Variants in DIAPH2 observed in about 807,000 individuals in gnomAD.
The protein encoded by DIAPH2 is diaphanous related formin 2.
In DIAPH2, 35 loss-of-function variants were observed where a neutral mutation model predicts 92.7. That is an observed-to-expected ratio of 0.38 (90% confidence interval 0.29 to 0.50). The LOEUF (loss-of-function observed/expected upper bound fraction) is 0.50. Ranked by LOEUF, DIAPH2 falls within the 20% of genes least tolerant of loss-of-function variation. The probability of loss-of-function intolerance (pLI) is 0.94; values close to 1 mark genes in which losing one functional copy is unlikely to be tolerated. For synonymous variants in DIAPH2, 301 were observed against 280.4 expected, an observed-to-expected ratio of 1.07 and a Z score of -0.73; for missense variants, 701 against 819.5, an observed-to-expected ratio of 0.86 and a Z score of 1.77.
Position 97,464,748 on chromosome X carries a change from A to G in DIAPH2, c.3241+35003A>G, listed in dbSNP as rs754382750. 2.5e-4 allele frequency among the ~76,000 whole-genome samples: 28 copies of G among 112,152 alleles called. No individual in the cohort carries two copies. In the East Asian group the frequency reaches 3.9e-3, roughly 16 times the overall value. ...TAGACTGATGTTTGCTACACCCATA[A>G]TCCTAGCACTCTAACACAATTTTAA... On this transcript the variant is annotated intron_variant, in intron 26 of 26. Coordinates refer to ENST00000324765, the MANE Select transcript of DIAPH2 (RefSeq NM_006729.5).
intron 4 of DIAPH2, among the ~76,000 whole-genome samples, chrX:96,759,974 T>G (rs2064257801): frequency 8.9e-6 from 1 of 111,775 alleles, no homozygotes; most frequent in African/African-American, 3.2e-5. Flanking sequence ...ATTCAAAAGA[T>G]GGAAATTCAA....
chrX:97,216,771 G>A (rs1332344231), intron 22 of DIAPH2, among the ~76,000 whole-genome samples: 1 of 111,865 alleles, frequency 8.9e-6, no homozygotes, highest in Non-Finnish European at 1.9e-5. Context: ...CCCTTCATTG[G>A]CAATACTCCT....
intron 4 of DIAPH2, among the ~76,000 whole-genome samples, chrX:96,854,703 A>G (rs1345424863): frequency 1.0e-5 from 1 of 98,641 alleles, no homozygotes; most frequent in Admixed American, 1.2e-4. Flanking sequence ...TACAGTGTGG[A>G]TACACTGGAC....
intron 4 of DIAPH2, among the ~76,000 whole-genome samples, chrX:96,877,150 T>C (rs1165334532): frequency 1.8e-5 from 2 of 111,061 alleles, no homozygotes; most frequent in Non-Finnish European, 3.8e-5. Context: ...TTCACTTGGA[T>C]AGGGCACTTA....
chrX:97,099,885 T>C (rs2066895031), intron 20 of DIAPH2, 90 bp downstream of exon 20: 5 of 410,350 alleles, frequency 1.2e-5, no homozygotes, highest in Non-Finnish European at 2.0e-5. Flanking sequence ...AGTTGTCAAT[T>C]ATTTTTTCAT....
chrX:97,257,979 A>G (rs1216669802), intron 23 of DIAPH2, among the ~76,000 whole-genome samples: 2 of 102,615 alleles, frequency 1.9e-5, no homozygotes, highest in Non-Finnish European at 4.1e-5. Context: ...AAAAAAAAAA[A>G]AGGCCTCTTT....
intron 1 of DIAPH2, among the ~76,000 whole-genome samples, chrX:96,688,539 A>C (rs2063783267): frequency 9.0e-6 from 1 of 110,997 alleles, no homozygotes; most frequent in African/African-American, 3.3e-5. Flanking sequence ...GTTTCACCAT[A>C]TTGGCCAGGC....
intron 17 of DIAPH2, among the ~76,000 whole-genome samples, chrX:96,997,609 A>G (rs1206709355): frequency 9.0e-6 from 1 of 111,502 alleles, no homozygotes; most frequent in Non-Finnish European, 1.9e-5. Flanking sequence ...GTTACTAATG[A>G]TTATAGATAT....
intron 24 of DIAPH2, among the ~76,000 whole-genome samples, chrX:97,368,059 C>G (rs1242124956): frequency 2.7e-5 from 3 of 112,541 alleles, no homozygotes; most frequent in East Asian, 2.8e-4. Flanking sequence ...CAAGTTTTGC[C>G]TAACCCTTCA....
chrX:96,982,368 C>T (rs1051928119), intron 17 of DIAPH2, among the ~76,000 whole-genome samples: 1 of 112,056 alleles, frequency 8.9e-6, no homozygotes, highest in Non-Finnish European at 1.9e-5. Flanking sequence ...ATAGTTCCTC[C>T]GTTAGAATGG....
At chrX:97,519,860 G>A (rs923785441) in intron 26 of DIAPH2, among the ~76,000 whole-genome samples, 28 of 110,827 alleles carry the variant, frequency 2.5e-4, no homozygotes, top group Non-Finnish European at 2.5e-4. Context: ...CGAGTAGCTG[G>A]CATTACAGGC....
intron 20 of DIAPH2, among the ~76,000 whole-genome samples, chrX:97,107,149 C>A (rs2066947418): frequency 9.0e-6 from 1 of 111,447 alleles, no homozygotes; most frequent in South Asian, 3.8e-4. Context: ...TATTCTCTAC[C>A]AGTACATCAT....
chrX:97,454,748 G>A (rs1401821127), intron 26 of DIAPH2, among the ~76,000 whole-genome samples: 2 of 110,121 alleles, frequency 1.8e-5, no homozygotes, highest in Non-Finnish European at 3.8e-5. Flanking sequence ...CCAGGTACTC[G>A]GGAGGCTGAG....
At chrX:97,264,437 A>T (rs899178144) in intron 23 of DIAPH2, among the ~76,000 whole-genome samples, 7 of 109,477 alleles carry the variant, frequency 6.4e-5, no homozygotes, top group Admixed American at 4.9e-4. Flanking sequence ...ACACACAGAC[A>T]CACACACACA....
intron 26 of DIAPH2, among the ~76,000 whole-genome samples, chrX:97,503,866 G>C (rs940628557): frequency 3.6e-5 from 4 of 111,918 alleles, no homozygotes; most frequent in African/African-American, 1.3e-4. Context: ...GGGTAAACAG[G>C]CTAAAATGCC....
At chrX:97,358,074 G>T in intron 24 of DIAPH2, among the ~76,000 whole-genome samples, 1 of 111,930 alleles carries the variant, frequency 8.9e-6, no homozygotes, top group East Asian at 2.8e-4. Context: ...TGCCAGAGAA[G>T]CAGTTACCAG....
intron 22 of DIAPH2, among the ~76,000 whole-genome samples, chrX:97,216,797 A>ATT (rs988391816): frequency 9.0e-6 from 1 of 111,596 alleles, no homozygotes; most frequent in Non-Finnish European, 1.9e-5. Flanking sequence ...GGGCAACAGT[A>ATT]TTTTCTTTTG....
intron 23 of DIAPH2, among the ~76,000 whole-genome samples, chrX:97,293,257 T>C (rs1602484672): frequency 1.1e-5 from 1 of 91,114 alleles, no homozygotes; most frequent in Non-Finnish European, 2.2e-5. Flanking sequence ...TTTTTTTTTT[T>C]TTTTTTTTTT....
At chrX:96,923,580 T>G (rs1048527478) in intron 9 of DIAPH2, among the ~76,000 whole-genome samples, 3 of 111,897 alleles carry the variant, frequency 2.7e-5, no homozygotes, top group African/African-American at 9.7e-5. Context: ...ACGAACCCAA[T>G]TATCTGTTTT....
Sources: allele counts gnomAD v4.1 joint callset (sites outside exome capture counted in the v4.1 genomes callset), GRCh38; gene constraint gnomAD v4.1.1; transcripts MANE v1.5; gene names NCBI Gene and HGNC (gene_info 2026-07-23, HGNC 2026-07-21).